The following TXNRD2 variants were observed in gnomAD, a reference collection of about 807,000 sequenced individuals.
The protein encoded by TXNRD2 is thioredoxin reductase 2, also known as thioredoxin reductase 2, mitochondrial.
In TXNRD2, 67 loss-of-function variants were observed where a neutral mutation model predicts 70.8. That is an observed-to-expected ratio of 0.95 (90% confidence interval 0.78 to 1.16). TXNRD2 has a LOEUF of 1.16. Ranked by LOEUF, TXNRD2 falls within the 50% of genes most tolerant of loss-of-function variation. The pLI, the probability that TXNRD2 is intolerant of heterozygous loss-of-function variation, is 0.00. For synonymous variants in TXNRD2, 301 were observed against 295.8 expected (o/e 1.02, Z -0.18); for missense variants, 644 against 719.9 (o/e 0.89, Z 1.21).
intron 8 of TXNRD2, among the ~76,000 whole-genome samples, chr22:19,899,956 G>A (rs1939696657): frequency 6.6e-6 from 1 of 152,232 alleles, no homozygotes; most frequent in African/African-American, 2.4e-5. Flanking sequence ...TTCAGTCTTT[G>A]AACAAGAGGA....
intron 2 of TXNRD2, among the ~76,000 whole-genome samples, chr22:19,930,196 T>C (rs1199713256): frequency 6.6e-6 from 1 of 152,070 alleles, no homozygotes; most frequent in East Asian, 1.9e-4. Context: ...GAGTAGTGGA[T>C]TTCTTTTACA....
At chr22:19,940,170 G>A (rs9332311) in intron 1 of TXNRD2, among the ~76,000 whole-genome samples, 31,715 of 150,432 alleles carry the variant, frequency 0.21, 3,962 homozygotes, top group Middle Eastern at 0.33. Context: ...GCGTGAACCC[G>A]GGAGGCGGAG....
chr22:19,910,037 C>T (rs1940336837), intron 8 of TXNRD2, among the ~76,000 whole-genome samples: 1 of 152,226 alleles, frequency 6.6e-6, no homozygotes, highest in South Asian at 2.1e-4. Context: ...TTCGGGCACA[C>T]ACAGAAGTGG....
intron 8 of TXNRD2, among the ~76,000 whole-genome samples, chr22:19,909,971 C>CCA (rs550458869): frequency 0.019 from 2,313 of 121,568 alleles, 71 homozygotes; most frequent in South Asian, 0.055. Flanking sequence ...CACACACACA[C>CCA]CACACACACC....
At chr22:19,914,100 G>T (rs369570565) in intron 7 of TXNRD2, among the ~76,000 whole-genome samples, 2 of 152,270 alleles carry the variant, frequency 1.3e-5, no homozygotes, top group Non-Finnish European at 2.9e-5. Context: ...TACAAGATAC[G>T]TGAAGAAACA....
chr22:19,919,016 G>C lies in TXNRD2; in HGVS notation c.230-12C>G. On this transcript the variant is annotated splice_polypyrimidine_tract_variant and intron_variant, in intron 3 of 17. Transcript: ENST00000400521. ...GCCCCACCGGGTGCCTGGGACGTGG[G>C]AAGAGCACATTTGAATTTATGTTCA... 1 of 1,606,086 alleles carries C rather than the reference G, an allele frequency of 6.2e-7. No individual in the cohort carries two copies. The highest frequency in any genetic ancestry group is 8.5e-7 in the Non-Finnish European group (1 of 1,179,420).
chr22:19,890,780 G>C (rs546232187), intron 11 of TXNRD2, among the ~76,000 whole-genome samples: 5 of 152,212 alleles, frequency 3.3e-5, no homozygotes, highest in Admixed American at 3.3e-4. Context: ...GTGTAGCTGA[G>C]TCTGCGGTGT....
At chr22:19,938,712 C>T (rs1941609010) in intron 1 of TXNRD2, among the ~76,000 whole-genome samples, 1 of 152,162 alleles carries the variant, frequency 6.6e-6, no homozygotes, top group Non-Finnish European at 1.5e-5. Flanking sequence ...CAAATTGGGG[C>T]TGAAATTAAT....
Position 19,878,060 on chromosome 22 carries a change from G to A in TXNRD2, c.1445+30C>T, listed in dbSNP as rs1441152591. 6 of 1,583,874 alleles carry A rather than the reference G, an allele frequency of 3.8e-6. No homozygotes were observed. The African/African-American group carries it at 4.0e-5, about 11-fold the overall frequency. On this transcript the variant is annotated intron_variant, in intron 16 of 17. Transcript: ENST00000400521. ...CTCGAGGGATACCCAGCTGCACATC[G>A]CATCGCAGCCTGCATTCCTCGGGAC...
At chr22:19,877,502 C>T (rs1028376050) in intron 16 of TXNRD2, among the ~76,000 whole-genome samples, 1 of 152,150 alleles carries the variant, frequency 6.6e-6, no homozygotes, top group Non-Finnish European at 1.5e-5. Flanking sequence ...TCCTCCCCTG[C>T]TAGGCACAGT....
intron 1 of TXNRD2, 77 bp from the exon 2 acceptor site, chr22:19,931,175 G>A: frequency 7.4e-7 from 1 of 1,344,662 alleles, no homozygotes; most frequent in Non-Finnish European, 1.1e-6. Context: ...ATCAGGATTG[G>A]ACACTCCATT....
In TXNRD2 at chr22:19,899,168, C is replaced by A; in HGVS notation, c.663-100G>T. On this transcript the variant is annotated intron_variant, in intron 8 of 17. Transcript: ENST00000400521. ...CGCAGCCTTTGCCCAGGCCCTTGGTCAGCTCGTGGGCTCCAAGGTTACTGT... is the reference window on the plus strand; with the variant it reads ...CGCAGCCTTTGCCCAGGCCCTTGGTAAGCTCGTGGGCTCCAAGGTTACTGT... 4 of 1,487,644 alleles carry A rather than the reference C, an allele frequency of 2.7e-6. No individual in the cohort carries two copies. In the South Asian group the frequency reaches 4.6e-5, roughly 17 times the overall value. The allele number at this position is 1,487,644 out of a possible 1,614,324, so 92.2% of individuals were successfully genotyped here. A position where few individuals can be genotyped will look rare whatever the true frequency, so the allele number is the denominator to read the frequency against.
intron 1 of TXNRD2, among the ~76,000 whole-genome samples, chr22:19,938,351 A>C (rs1941599066): frequency 6.6e-6 from 1 of 152,232 alleles, no homozygotes; most frequent in Non-Finnish European, 1.5e-5. Flanking sequence ...TGTTTTAAAC[A>C]AAGGAGATAA....
At chr22:19,921,563 G>A (rs1284288480) in intron 2 of TXNRD2, among the ~76,000 whole-genome samples, 2 of 152,146 alleles carry the variant, frequency 1.3e-5, no homozygotes, top group Non-Finnish European at 2.9e-5. Flanking sequence ...GGTACTCCAT[G>A]TCAGGTAACA....
chr22:19,903,637 A>G (rs1024153248), intron 8 of TXNRD2, among the ~76,000 whole-genome samples: 1 of 152,180 alleles, frequency 6.6e-6, no homozygotes, highest in South Asian at 2.1e-4. Context: ...GTTGGAGCTC[A>G]GCTCCTTGGC....
intron 11 of TXNRD2, among the ~76,000 whole-genome samples, chr22:19,892,705 G>A (rs912888138): frequency 3.3e-4 from 50 of 152,324 alleles, no homozygotes; most frequent in African/African-American, 1.2e-3. Context: ...GTGAACGGAG[G>A]TGTCAGCAGA....
At chr22:19,894,679 T>C (rs79388039) in intron 11 of TXNRD2, 5,829 of 188,088 alleles carry the variant, frequency 0.031, 119 homozygotes, top group South Asian at 0.084. Context: ...CAGCAAAACA[T>C]TTAATATGCT....
At chr22:19,941,662 G>A in intron 1 of TXNRD2, 39 bp downstream of exon 1, 1 of 1,435,388 alleles carries the variant, frequency 7.0e-7, no homozygotes, top group Non-Finnish European at 9.1e-7. Flanking sequence ...CCCCGGCCGC[G>A]CGGACACCTA....
At chr22:19,902,615 C>A (rs775466365) in intron 8 of TXNRD2, among the ~76,000 whole-genome samples, 62 of 152,342 alleles carry the variant, frequency 4.1e-4, no homozygotes, top group Admixed American at 5.9e-4. Flanking sequence ...ACCCCGCCGC[C>A]CCACCCAACC....
Sources: gnomAD v4.1 joint callset for allele counts (sites outside exome capture counted in the v4.1 genomes callset) on GRCh38, gnomAD v4.1.1 for gene constraint, MANE v1.5 for transcripts, NCBI Gene and HGNC (gene_info 2026-07-23, HGNC 2026-07-21) for gene names.